The following IPO8 variants were observed in gnomAD, a reference collection of about 807,000 sequenced individuals.
IPO8 encodes importin 8, also known as importin-8.
A neutral mutation model predicts 141.2 loss-of-function variants in IPO8; 65 were observed. The observed-to-expected ratio is 0.46, with a 90% CI of 0.38 to 0.57. The LOEUF (loss-of-function observed/expected upper bound fraction) is 0.57, where lower values mean the gene tolerates loss of function less well. IPO8 is among the 20% of genes least tolerant of loss of function. IPO8 has a pLI of 0.00. For missense variants in IPO8, 980 were observed against 1,246.8 expected, an observed-to-expected ratio of 0.79 and a Z score of 3.22; for synonymous variants, 411 against 420.3, an observed-to-expected ratio of 0.98 and a Z score of 0.27.
chr12:30,637,903 T>C (rs957148557), intron 21 of IPO8, among the ~76,000 whole-genome samples: 4 of 152,220 alleles, frequency 2.6e-5, no homozygotes, highest in African/African-American at 9.7e-5. Context: ...CGATTCAATG[T>C]GTTTAAAGTG....
At chr12:30,639,282 T>TA (rs924225509) in intron 21 of IPO8, among the ~76,000 whole-genome samples, 4 of 151,334 alleles carry the variant, frequency 2.6e-5, no homozygotes, top group Non-Finnish European at 5.9e-5. Flanking sequence ...AAAAAATAAA[T>TA]AAAAAAAATA....
chr12:30,643,165 C>G (rs936210775), intron 20 of IPO8, among the ~76,000 whole-genome samples: 1 of 152,114 alleles, frequency 6.6e-6, no homozygotes, highest in African/African-American at 2.4e-5. Flanking sequence ...ATTAGAAGAT[C>G]ACCATCAGCA....
intron 24 of IPO8, 94 bp downstream of exon 24, chr12:30,631,801 A>C (rs2052436425): frequency 2.8e-6 from 2 of 725,158 alleles, no homozygotes; most frequent in Non-Finnish European, 4.8e-6. Flanking sequence ...AACAATTTCA[A>C]AAACAGTGTT....
intron 2 of IPO8, among the ~76,000 whole-genome samples, chr12:30,689,533 C>A (rs2136176151): frequency 6.6e-6 from 1 of 152,270 alleles, no homozygotes; most frequent in Non-Finnish European, 1.5e-5. Context: ...ACAAAGTGAT[C>A]TTTCAGGAAA....
chr12:30,658,503 A>G (rs754426321), intron 16 of IPO8, among the ~76,000 whole-genome samples: 2 of 152,160 alleles, frequency 1.3e-5, no homozygotes, highest in Non-Finnish European at 2.9e-5. Context: ...GATAATCACA[A>G]TAAGTTCACC....
At chr12:30,690,709 CA>C in intron 1 of IPO8, 132 bp from the exon 2 acceptor site, 1 of 516,530 alleles carries the variant, frequency 1.9e-6, no homozygotes, top group Non-Finnish European at 3.5e-6. Flanking sequence ...CCCTTCAAGG[CA>C]AAATGAAGAT....
At chr12:30,692,831 C>T (rs1404898646) in intron 1 of IPO8, among the ~76,000 whole-genome samples, 1 of 152,158 alleles carries the variant, frequency 6.6e-6, no homozygotes, top group Non-Finnish European at 1.5e-5. Flanking sequence ...ACTCTCTACT[C>T]AATGCCATTC....
Position 30,656,690 on chromosome 12 carries a change from C to A in IPO8, c.1942G>T (p.Val648Leu). 1.3e-6 allele frequency: 2 copies of A among 1,546,686 alleles called. No homozygotes were observed. Among genetic ancestry groups the A allele is most frequent in the South Asian group, 1.2e-5 (1 of 81,480 alleles). Residue 648 changes from valine to leucine, a missense_variant, in exon 17 of 25, where the codon GTA becomes TTA. This residue lies in a region of IPO8 where 924 missense variants were observed against 1,153.9 expected (regional missense o/e 0.80). Transcript: ENST00000256079. ...ATTTAACCTTTGAACTTACCAATTA[C>A]ATGTTTCTGCAGAACAAGATCAATG... ...RIIDLVLQKH[V>L]IEFYEEILSL... is the part of the protein sequence containing the mutation.
At chr12:30,688,819 T>C (rs1421022765) in intron 2 of IPO8, 4 of 153,022 alleles carry the variant, frequency 2.6e-5, no homozygotes, top group Non-Finnish European at 5.8e-5. Flanking sequence ...AAATTCTAAA[T>C]GTCATAAATA....
chr12:30,681,753 C>T lies in IPO8; in HGVS notation c.388G>A (p.Val130Met). 1.2e-6 allele frequency: 2 copies of T among 1,613,752 alleles called. No homozygotes were observed. Among genetic ancestry groups the T allele is most frequent in the South Asian group, 1.1e-5 (1 of 91,062 alleles). ...KHDFPGHWPGVVDKIDYYLQS... is the reference protein window; with the variant it reads ...KHDFPGHWPGMVDKIDYYLQS... Reference sequence around the variant, plus strand: ...AAGTAATAGTCTATCTTGTCGACCACTCCTGGCCAGTGACCAGGAAAATCA... The same window carrying T: ...AAGTAATAGTCTATCTTGTCGACCATTCCTGGCCAGTGACCAGGAAAATCA... The change falls in exon 4 of 25, where the codon GTG becomes ATG. Residue 130 changes from valine to methionine, a missense_variant. Val to Met is a conservative substitution (Grantham distance 21). This residue lies in a region of IPO8 where 924 missense variants were observed against 1,153.9 expected (regional missense o/e 0.80). Transcript: ENST00000256079.
chr12:30,674,076 T>A lies in IPO8; in HGVS notation c.825-2A>T. On this transcript the variant is annotated splice_acceptor_variant, in intron 7 of 24. Transcript: ENST00000256079. LOFTEE classifies it high-confidence loss of function. ...GTGACATTTCCTGGGCTTCCATATC[T>A]TAAAATACAAAGAGAAAATGTACAA... 6.5e-7 allele frequency: 1 copy of A among 1,544,848 alleles called. No homozygotes were observed. Among genetic ancestry groups the A allele is most frequent in the Non-Finnish European group, 8.9e-7 (1 of 1,124,858 alleles).
At chr12:30,658,576 G>C (rs1439652939) in intron 16 of IPO8, among the ~76,000 whole-genome samples, 1 of 152,140 alleles carries the variant, frequency 6.6e-6, no homozygotes, top group Non-Finnish European at 1.5e-5. Flanking sequence ...AATAAAAACA[G>C]AAAAGATGCT....
intron 3 of IPO8, among the ~76,000 whole-genome samples, chr12:30,682,387 C>T (rs1248272567): frequency 6.6e-6 from 1 of 152,040 alleles, no homozygotes; most frequent in Non-Finnish European, 1.5e-5. Context: ...AAGAAAGAAA[C>T]ATGTATTATT....
intron 10 of IPO8, among the ~76,000 whole-genome samples, chr12:30,667,886 C>A (rs1186507918): frequency 6.6e-6 from 1 of 152,130 alleles, no homozygotes; most frequent in Non-Finnish European, 1.5e-5. Flanking sequence ...GAAGTAAACA[C>A]TAAAAGAATG....
At chr12:30,638,526 A>G (rs1312199565) in intron 21 of IPO8, among the ~76,000 whole-genome samples, 1 of 152,188 alleles carries the variant, frequency 6.6e-6, no homozygotes, top group African/African-American at 2.4e-5. Flanking sequence ...CACAAAACTT[A>G]AGAAGAATAC....
At position 30,653,186 on chromosome 12, in the gene IPO8, C is replaced by A; in HGVS notation, c.1949-94G>T. 3 of 1,072,276 alleles carry A rather than the reference C, an allele frequency of 2.8e-6. No homozygotes were observed. In the South Asian group the frequency reaches 4.0e-5, roughly 14 times the overall value. 66.4% of individuals were successfully genotyped at this position (1,072,276 alleles called of 1,614,324 possible). ...GGAGGGTTTAGACTACCTACGCACACAGAGTCCTCCTCTATCCAATGTACT... is the reference window on the plus strand; with the variant it reads ...GGAGGGTTTAGACTACCTACGCACAAAGAGTCCTCCTCTATCCAATGTACT... On this transcript the variant is annotated intron_variant, in intron 17 of 24. Coordinates refer to ENST00000256079, the MANE Select transcript of IPO8 (RefSeq NM_006390.4).
In IPO8 at chr12:30,665,089, A is replaced by G. The variant is rs563761249; in HGVS notation, c.1428+131T>C. 20 of 616,128 alleles carry G rather than the reference A, an allele frequency of 3.2e-5. No individual in the cohort carries two copies. In the East Asian group the frequency reaches 5.2e-4, roughly 16 times the overall value. The allele number at this position is 616,128 out of a possible 1,614,324, so 38.2% of individuals were successfully genotyped here. On this transcript the variant is annotated intron_variant, in intron 13 of 24. Coordinates refer to ENST00000256079, the MANE Select transcript of IPO8 (RefSeq NM_006390.4). ...TGTCCTTTATTCAGCTGATGTGACC[A>G]TAGGCAGACATTCTAATTGACTCTA...
chr12:30,671,675 A>AAG (rs1491130163), intron 8 of IPO8, among the ~76,000 whole-genome samples: 605 of 39,080 alleles, frequency 0.015, 26 homozygotes, highest in East Asian at 0.1. Flanking sequence ...ACTCTGCCTC[A>AAG]AAAAAAAAAA....
intron 24 of IPO8, 100 bp from the exon 25 acceptor site, chr12:30,631,057 G>T: frequency 1.3e-6 from 1 of 762,278 alleles, no homozygotes; most frequent in Middle Eastern, 3.8e-4. Flanking sequence ...TATATGCTTA[G>T]AACTGTGAAA....
Sources: gnomAD v4.1 joint callset for allele counts (sites outside exome capture counted in the v4.1 genomes callset) on GRCh38, gnomAD v4.1.1 for gene constraint, gnomAD v4.1.1 regional missense constraint, MANE v1.5 for transcripts, NCBI Gene and HGNC (gene_info 2026-07-23, HGNC 2026-07-21) for gene names.